The following HNRNPU variants were observed in gnomAD, a reference collection of about 807,000 sequenced individuals.
HNRNPU encodes the protein HNRNPU antisense RNA 1.
Under a neutral mutation model 94.7 loss-of-function variants are expected in HNRNPU, and 5 were observed. That is an observed-to-expected ratio of 0.05 (90% CI 0.03 to 0.11). The LOEUF (loss-of-function observed/expected upper bound fraction) is 0.11, where lower values mean the gene tolerates loss of function less well. HNRNPU is among the 10% of genes least tolerant of loss of function. The probability of loss-of-function intolerance (pLI) is 1.00; values close to 1 mark genes in which losing one functional copy is unlikely to be tolerated. For missense variants in HNRNPU, 710 were observed against 1,049.2 expected (o/e 0.68, Z 4.47); for synonymous variants, 434 against 381.6 (o/e 1.14, Z -1.60).
In HNRNPU at chr1:244,855,508, G is replaced by A. The variant is rs769278028; in HGVS notation, c.2268C>T (p.Ala756=). ...SGGIGYPYPR[A]PVFPGRGSYS... ...AACTACCACGGCCAGGAAAAACAGG[G>A]GCACGAGGGTATGGATAGCCGATTC... Residue 756 remains alanine, a synonymous_variant, in exon 12 of 14, where the codon GCC becomes GCT. Coordinates refer to ENST00000640218, the MANE Select transcript of HNRNPU (RefSeq NM_031844.3). 6.2e-7 allele frequency: 1 copy of A among 1,613,984 alleles called. No individual in the cohort carries two copies. Among genetic ancestry groups the A allele is most frequent in the Admixed American group, 1.7e-5 (1 of 60,000 alleles).
At chr1:244,862,139 G>A (rs765458868) in intron 3 of HNRNPU, 3 of 248,856 alleles carry the variant, frequency 1.2e-5, no homozygotes, top group Admixed American at 5.0e-5. Flanking sequence ...TATTGTAGAA[G>A]CCTGTAAGGC....
rs1489145351 is a variant in HNRNPU, at chr1:244,851,727, G to C, written c.*2723C>G. 1 of 152,140 alleles carries C rather than the reference G, an allele frequency of 6.6e-6. No individual in the cohort carries two copies. The allele number at this position is 152,140 out of a possible 1,614,324, so 9.4% of individuals were successfully genotyped here. The stretch of plus-strand genomic sequence containing the variant: ...TCAAATTGATTTGACTCAATTTCAT[G>C]ATTTCATCTCGCTCAAGGCCATCAA... On this transcript the variant is annotated 3_prime_UTR_variant, in exon 14 of 14. Coordinates refer to ENST00000640218, the MANE Select transcript of HNRNPU (RefSeq NM_031844.3).
rs1421247224 is a variant in HNRNPU at position 244,850,740 on chromosome 1, T to C, written c.*3710A>G. The C allele has an allele frequency of 6.6e-6, 1 of 152,160 alleles. No homozygotes were observed. The highest frequency in any genetic ancestry group is 1.5e-5 in the Non-Finnish European group (1 of 68,042). 9.4% of individuals were successfully genotyped at this position (152,160 alleles called of 1,614,324 possible). On this transcript the variant is annotated 3_prime_UTR_variant, in exon 14 of 14. Transcript: ENST00000640218. The stretch of plus-strand genomic sequence containing the variant: ...AACATGTATGTGTTTGCTTTTATTA[T>C]TACTAAAATGTTAAAACTTAAACCC...
intron 5 of HNRNPU, 161 bp downstream of exon 5, chr1:244,859,114 A>G (rs1680758256): frequency 1.7e-6 from 1 of 581,682 alleles, no homozygotes; most frequent in Non-Finnish European, 3.0e-6. Context: ...CAAAAACTAA[A>G]ATGTAGCCTG....
intron 13 of HNRNPU, 153 bp downstream of exon 13, chr1:244,854,820 T>C: frequency 1.7e-6 from 1 of 593,274 alleles, no homozygotes; most frequent in Non-Finnish European, 2.9e-6. Flanking sequence ...CTTCAAAAGG[T>C]AGATTATGGC....
At position 244,856,067 on chromosome 1, in the gene HNRNPU, T is replaced by C. The variant is rs1328323130; in HGVS notation, c.2004A>G (p.Gln668=). The change falls in exon 11 of 14, where the codon CAA becomes CAG. Residue 668 remains glutamine (Q), a synonymous_variant. Coordinates refer to ENST00000640218, the MANE Select transcript of HNRNPU (RefSeq NM_031844.3). ...GAGCCTTTTTGCTTTCTTCCTTATA[T>C]TGCTCCAAGAGTTTTTGGGCTTCTT... ...QKEEAQKLLE[Q]YKEESKKALP... The C allele has an allele frequency of 8.1e-6, 13 of 1,614,118 alleles. No individual in the cohort carries two copies. Among genetic ancestry groups the C allele is most frequent in the Admixed American group, 1.7e-5 (1 of 60,024 alleles).
At chr1:244,857,795 T>C (rs1039196529) in intron 7 of HNRNPU, 78 bp from the exon 8 acceptor site, 191 of 1,517,750 alleles carry the variant, frequency 1.3e-4, no homozygotes, top group Non-Finnish European at 1.6e-4. Context: ...TTAAGGCCAA[T>C]TTAAATATCT....
In HNRNPU at chr1:244,855,957, C is replaced by A; in HGVS notation, c.2114G>T (p.Gly705Val). The change falls in exon 11 of 14, where the codon GGC becomes GTC. Residue 705 changes from glycine to valine, a missense_variant. Gly to Val is a moderately radical substitution (Grantham distance 109, BLOSUM62 -3). Around this residue, in one of 8 missense-constraint regions of HNRNPU, gnomAD observed 152 missense variants for 238.9 expected, o/e 0.64. Transcript: ENST00000640218. ...SGKNQFNRGG[G>V]HRGRGGFNMR... is the part of the protein sequence containing the mutation. ...ATTGAATCCTCCACGTCCTCTATGG[C>A]CACCACCTCTGTTAAACTGGTTCTT... is the stretch of plus-strand genomic sequence containing the variant. 1 of 1,614,112 alleles carries A rather than the reference C, an allele frequency of 6.2e-7. No homozygotes were observed. The highest frequency in any genetic ancestry group is 1.3e-5 in the African/African-American group (1 of 75,050).
chr1:244,857,999 A>AG lies in HNRNPU; in HGVS notation c.1494+11_1494+12insC, dbSNP rs757876293. On this transcript the variant is annotated intron_variant, in intron 7 of 13. Transcript: ENST00000640218. ...TTCAAATGCCACAGTTAAAAAAAAA[A>AG]AAATCCCTTACTTCACAATCTTTCT... 1.8e-5 allele frequency: 29 copies of AG among 1,573,512 alleles called. No homozygotes were observed. In the African/African-American group the frequency reaches 3.9e-4, roughly 21 times the overall value.
intron 3 of HNRNPU, 47 bp downstream of exon 3, chr1:244,862,414 A>AT (rs1553283357): frequency 1.5e-6 from 2 of 1,298,126 alleles, no homozygotes; most frequent in East Asian, 2.3e-5. Context: ...AAAAAAAAAA[A>AT]CCACCATCAC....
intron 7 of HNRNPU, 98 bp downstream of exon 7, chr1:244,857,913 T>G: frequency 5.2e-6 from 7 of 1,355,276 alleles, no homozygotes; most frequent in Non-Finnish European, 6.1e-6. Flanking sequence ...CAGCACAAAG[T>G]AAATGAAACA....
At position 244,862,706 on chromosome 1, in the gene HNRNPU, C is replaced by A; in HGVS notation, c.716G>T (p.Gly239Val). The A allele has an allele frequency of 6.2e-7, 1 of 1,614,088 alleles. No individual in the cohort carries two copies. Among genetic ancestry groups the A allele is most frequent in the Non-Finnish European group, 8.5e-7 (1 of 1,179,950 alleles). The change falls in exon 2 of 14, where the codon GGC (glycine) becomes GTC (valine). Residue 239 changes from glycine to valine, a missense_variant. By Grantham distance (109) the Gly-to-Val change is moderately radical. Around this residue, in one of 8 missense-constraint regions of HNRNPU, gnomAD observed 292 missense variants for 293.4 expected, o/e 1.00. Transcript: ENST00000640218. ...TTTAACACCCCTCTTTTTATCTCCG[C>A]CTTTCTGTTCTGTTTTGCCGTCCCC... is the stretch of plus-strand genomic sequence containing the variant. ...AAGDGKTEQK[G>V]GDKKRGVKRP... is the part of the protein sequence containing the mutation.
rs749319089 is a variant in HNRNPU, at chr1:244,855,923, A to G, written c.2148T>C (p.Gly716=). The change falls in exon 11 of 14, where the codon GGT becomes GGC. Residue 716 remains glycine (G), a synonymous_variant. Coordinates refer to ENST00000640218, the MANE Select transcript of HNRNPU (RefSeq NM_031844.3). The part of the protein sequence containing the change: ...HRGRGGFNMR[G]GNFRGGAPGN... ...ACTTGCCTCCTCCTCTGAAATTTCC[A>G]CCACGCATATTGAATCCTCCACGTC... is the stretch of plus-strand genomic sequence containing the variant. The G allele has an allele frequency of 1.2e-6, 2 of 1,613,878 alleles. No individual in the cohort carries two copies. The highest frequency in any genetic ancestry group is 1.7e-4 in the Middle Eastern group (1 of 6,060).
At chr1:244,855,314 A>G in intron 12 of HNRNPU, 110 bp downstream of exon 12, 1 of 1,069,280 alleles carries the variant, frequency 9.4e-7, no homozygotes, top group Admixed American at 2.1e-5. Context: ...CCTTATGTCA[A>G]TGCCTATCAT....
chr1:244,860,623 T>C lies in HNRNPU; in HGVS notation c.878-149A>G, dbSNP rs1362449839. 4 of 639,392 alleles carry C rather than the reference T, an allele frequency of 6.3e-6. No individual in the cohort carries two copies. The Admixed American group carries it at 1.2e-4, about 20-fold the overall frequency. 39.6% of individuals were successfully genotyped at this position (639,392 alleles called of 1,614,324 possible). A position where few individuals can be genotyped will look rare whatever the true frequency, so the allele number is the denominator to read the frequency against. ...TCATGCTGTTGTTCCAATTTTCAGT[T>C]TAAAGCCCCACTCCCACCAAGTCAC... On this transcript the variant is annotated intron_variant, in intron 3 of 13. Transcript: ENST00000640218.
At position 244,855,405 on chromosome 1, in the gene HNRNPU, AG is replaced by A. The variant is rs760354789; in HGVS notation, c.2352+18del. 6.2e-7 allele frequency: 1 copy of A among 1,608,772 alleles called. No homozygotes were observed. On this transcript the variant is annotated intron_variant, in intron 12 of 13. Coordinates refer to ENST00000640218, the MANE Select transcript of HNRNPU (RefSeq NM_031844.3). The stretch of plus-strand genomic sequence containing the variant: ...AGCTACAGTTATCAATCATGCTTCC[AG>A]GGATCTTGAATCATTACCTGGTTGT...
chr1:244,863,038 G>C (rs890148229), intron 1 of HNRNPU: 3 of 328,386 alleles, frequency 9.1e-6, no homozygotes, highest in Non-Finnish European at 1.7e-5. Context: ...GGCCGAGCCC[G>C]GCGCGGCGGC....
rs1680522515 is a variant in HNRNPU at position 244,850,606 on chromosome 1, T to C, written c.*3844A>G. ...GTAATTCAAATTACTGTTTTAGAGA[T>C]CTCAGGTAGTTAACCAATTCTTGCT... On this transcript the variant is annotated 3_prime_UTR_variant, in exon 14 of 14. Transcript: ENST00000640218. 6.6e-6 allele frequency: 1 copy of C among 152,116 alleles called. No homozygotes were observed. Among genetic ancestry groups the C allele is most frequent in the Admixed American group, 6.6e-5 (1 of 15,248 alleles). The allele number at this position is 152,116 out of a possible 1,614,324, so 9.4% of individuals were successfully genotyped here.
intron 13 of HNRNPU, 147 bp downstream of exon 13, chr1:244,854,826 A>G (rs999432489): frequency 1.6e-6 from 1 of 623,174 alleles, no homozygotes; most frequent in Non-Finnish European, 2.7e-6. Context: ...AAGGTAGATT[A>G]TGGCTACTAC....
Sources: allele counts gnomAD v4.1 joint callset, GRCh38; gene constraint gnomAD v4.1.1; regional missense constraint gnomAD v4.1.1; transcripts MANE v1.5; gene names NCBI Gene and HGNC (gene_info 2026-07-23, HGNC 2026-07-21).